Variants in SF3A2 observed in about 807,000 individuals in gnomAD.
SF3A2 encodes the protein SAP 62.
Under a neutral mutation model 31.1 loss-of-function variants are expected in SF3A2, and 5 were observed. The observed-to-expected ratio is 0.16, with a 90% CI of 0.08 to 0.34. The LOEUF is 0.34. Ranked by LOEUF, SF3A2 falls within the 10% of genes least tolerant of loss-of-function variation. The pLI is 1.00. For missense variants in SF3A2, 577 were observed against 643.9 expected (o/e 0.90, Z 1.13); for synonymous variants, 365 against 263.7 (o/e 1.38, Z -3.72).
chr19:2,245,570 A>G lies in SF3A2; in HGVS notation c.355+15A>G. On this transcript the variant is annotated intron_variant, in intron 5 of 8. Coordinates refer to ENST00000221494, the MANE Select transcript of SF3A2 (RefSeq NM_007165.5). The surrounding 1 kb of genome is among the most constrained non-coding windows in gnomAD (Gnocchi z 4.2). The stretch of plus-strand genomic sequence containing the variant: ...GGGCTACAAAGGTGAGTCTGCCCGC[A>G]GCGGGGCCGGCCACAGCCGCTGCCG... The G allele has an allele frequency of 6.5e-7, 1 of 1,531,770 alleles. No homozygotes were observed. Among genetic ancestry groups the G allele is most frequent in the Non-Finnish European group, 8.9e-7 (1 of 1,129,816 alleles). The allele number at this position is 1,531,770 out of a possible 1,614,324, so 94.9% of individuals were successfully genotyped here. A position where few individuals can be genotyped will look rare whatever the true frequency, so the allele number is the denominator to read the frequency against.
intron 7 of SF3A2, 108 bp downstream of exon 7, chr19:2,247,130 C>G (rs552551374): frequency 3.4e-6 from 5 of 1,455,594 alleles, no homozygotes; most frequent in South Asian, 2.6e-5. Context: ...TCCCCTGGGC[C>G]CCCCCCAAGT....
At chr19:2,244,038 G>A (rs2024911629) in intron 2 of SF3A2, among the ~76,000 whole-genome samples, 1 of 152,248 alleles carries the variant, frequency 6.6e-6, no homozygotes, top group Non-Finnish European at 1.5e-5. Flanking sequence ...AGCCGCAGAT[G>A]GTGGAGTTAG....
Position 2,246,754 on chromosome 19 carries a change from G to A in SF3A2, c.357G>A (p.Val119=), listed in dbSNP as rs1032572072. The change falls in exon 6 of 9, where the codon GTG becomes GTA. Residue 119 remains valine (V), a splice_region_variant and synonymous_variant. Transcript: ENST00000221494. The surrounding 1 kb of genome is among the most constrained non-coding windows in gnomAD (Gnocchi z 5.5). The part of the protein sequence containing the change: ...FVKIGRPGYK[V]TKQRDSEMGQ... ...ACCTGAGAGCTTTCTGTGTTGCAGT[G>A]ACCAAGCAGAGAGACTCGGAGATGG... 3.7e-6 allele frequency: 6 copies of A among 1,613,868 alleles called. No individual in the cohort carries two copies. In the Admixed American group the frequency reaches 5.0e-5, roughly 13 times the overall value.
At position 2,245,622 on chromosome 19, in the gene SF3A2, A is replaced by G. The variant is rs2024925142; in HGVS notation, c.355+67A>G. 2.5e-6 allele frequency: 3 copies of G among 1,208,388 alleles called. No individual in the cohort carries two copies. Among genetic ancestry groups the G allele is most frequent in the Non-Finnish European group, 3.6e-6 (3 of 835,122 alleles). The allele number at this position is 1,208,388 out of a possible 1,614,324, so 74.9% of individuals were successfully genotyped here. A position where few individuals can be genotyped will look rare whatever the true frequency, so the allele number is the denominator to read the frequency against. On this transcript the variant is annotated intron_variant, in intron 5 of 8. Transcript: ENST00000221494. The surrounding 1 kb of genome is among the most constrained non-coding windows in gnomAD (Gnocchi z 4.2). The stretch of plus-strand genomic sequence containing the variant: ...GACATAAGTGTGTTCTTTAGTCTCC[A>G]GTGCGGGAGGTGCAGCCCTGATAGC...
rs1230077312 is a variant in SF3A2 at position 2,248,254 on chromosome 19, C to G, written c.1103C>G (p.Pro368Arg). Residue 368 changes from proline (P) to arginine (R), a missense_variant, in exon 9 of 9, where the codon CCA becomes CGA. By Grantham distance (103) the Pro-to-Arg change is moderately radical. Around this residue, in one of 6 missense-constraint regions of SF3A2, gnomAD observed 462 missense variants for 339.1 expected, o/e 1.36. Coordinates refer to ENST00000221494, the MANE Select transcript of SF3A2 (RefSeq NM_007165.5). Reference sequence around the variant, plus strand: ...CCAGCCCCAGGGGTCCATCCTCCCCCATCAGCGGGGGTTCACCCCCAGGCC... The same window carrying G: ...CCAGCCCCAGGGGTCCATCCTCCCCGATCAGCGGGGGTTCACCCCCAGGCC... ...HPPAPGVHPP[P>R]SAGVHPQAPG... 4 of 1,420,380 alleles carry G rather than the reference C, an allele frequency of 2.8e-6. No homozygotes were observed. In the Admixed American group the frequency reaches 1.1e-4, roughly 41 times the overall value. The allele number at this position is 1,420,380 out of a possible 1,614,324, so 88.0% of individuals were successfully genotyped here.
At position 2,246,500 on chromosome 19, in the gene SF3A2, G is replaced by T. The variant is rs2024934337; in HGVS notation, c.356-253G>T. Among the ~76,000 whole-genome samples, 1 of 152,120 alleles carries T rather than the reference G, an allele frequency of 6.6e-6. No homozygotes were observed. The highest frequency in any genetic ancestry group is 2.1e-4 in the South Asian group (1 of 4,828). Reference sequence around the variant, plus strand: ...CCCAGCACCCCTGGTGAAGGGCTCTGGGGATTGGGACAAAGGAGCACCATC... The same window carrying T: ...CCCAGCACCCCTGGTGAAGGGCTCTTGGGATTGGGACAAAGGAGCACCATC... On this transcript the variant is annotated intron_variant, in intron 5 of 8. Coordinates refer to ENST00000221494, the MANE Select transcript of SF3A2 (RefSeq NM_007165.5). This position sits in a 1 kb window ranked among gnomAD's most constrained non-coding sequence, Gnocchi z 5.5.
rs746761801 is a variant in SF3A2 at position 2,247,916 on chromosome 19, G to C, written c.765G>C (p.Pro255=). The change falls in exon 9 of 9, where the codon CCG becomes CCC. Residue 255 remains proline, a synonymous_variant. Transcript: ENST00000221494. ...TGCCTGAGTCTTTGCCACCGCCCCCGCCAGGAGGCCTGCCTCTGCCACCCA... is the reference window on the plus strand; with the variant it reads ...TGCCTGAGTCTTTGCCACCGCCCCCCCCAGGAGGCCTGCCTCTGCCACCCA... The part of the protein sequence containing the change: ...PPLPESLPPP[P]PGGLPLPPMP... 38 of 1,542,166 alleles carry C rather than the reference G, an allele frequency of 2.5e-5. No individual in the cohort carries two copies. Among genetic ancestry groups the C allele is most frequent in the Non-Finnish European group, 3.1e-5 (35 of 1,146,626 alleles).
intron 7 of SF3A2, 71 bp from the exon 8 acceptor site, chr19:2,247,523 C>G (rs1453192464): frequency 6.5e-7 from 1 of 1,529,092 alleles, no homozygotes; most frequent in Non-Finnish European, 9.0e-7. Context: ...GCTAGTGCCT[C>G]GGGCTCCCTG....
At chr19:2,243,300 C>A in intron 1 of SF3A2, 82 bp from the exon 2 acceptor site, 1 of 1,228,256 alleles carries the variant, frequency 8.1e-7, no homozygotes, top group Non-Finnish European at 1.1e-6. Flanking sequence ...CTCGAGGGCT[C>A]CAGCCCAGCC....
chr19:2,243,659 C>G (rs1030646186), intron 2 of SF3A2, 115 bp downstream of exon 2: 8 of 1,203,934 alleles, frequency 6.6e-6, no homozygotes, highest in Non-Finnish European at 5.5e-6. Flanking sequence ...GATGCAGCCC[C>G]GTGTCCAGAC....
rs569975681 is a variant in SF3A2, at chr19:2,246,053, C to T, written c.355+498C>T. ...CTTGTGTCCATAGGGTTCAGGAAGG[C>T]GGGCACGCTACCCAGCAAGTGTTCT... On this transcript the variant is annotated intron_variant, in intron 5 of 8. Transcript: ENST00000221494. This position sits in a 1 kb window ranked among gnomAD's most constrained non-coding sequence, Gnocchi z 5.5. 9.8e-5 allele frequency among the ~76,000 whole-genome samples: 15 copies of T among 152,304 alleles called. No homozygotes were observed. The South Asian group carries it at 1.5e-3, about 15-fold the overall frequency.
chr19:2,242,287 G>T (rs548896595), intron 1 of SF3A2, among the ~76,000 whole-genome samples: 1 of 152,250 alleles, frequency 6.6e-6, no homozygotes, highest in Non-Finnish European at 1.5e-5. Flanking sequence ...TCAGCTTCTG[G>T]TTCTGGGGTC....
chr19:2,244,439 G>T, intron 2 of SF3A2, 105 bp from the exon 3 acceptor site: 1 of 836,412 alleles, frequency 1.2e-6, no homozygotes. Flanking sequence ...ACAGAAGGGG[G>T]GTTCTGCCTC....
rs1020457659 is a variant in SF3A2, at chr19:2,245,887, C to T, written c.355+332C>T. ...TGTGGTGAGCCCTGGCACATCCCTC[C>T]GGTTAACCTTGAAGCCTTTGAAGGA... On this transcript the variant is annotated intron_variant, in intron 5 of 8. Coordinates refer to ENST00000221494, the MANE Select transcript of SF3A2 (RefSeq NM_007165.5). The surrounding 1 kb of genome is among the most constrained non-coding windows in gnomAD (Gnocchi z 4.2). 8 of 340,992 alleles carry T rather than the reference C, an allele frequency of 2.3e-5. No individual in the cohort carries two copies. Among genetic ancestry groups the T allele is most frequent in the South Asian group, 1.4e-4 (4 of 28,066 alleles). The allele number at this position is 340,992 out of a possible 1,614,324, so 21.1% of individuals were successfully genotyped here.
In SF3A2 at chr19:2,246,831, C is replaced by T. The variant is rs766919566; in HGVS notation, c.405+29C>T. The T allele has an allele frequency of 2.5e-5, 40 of 1,613,376 alleles. No individual in the cohort carries two copies. Among genetic ancestry groups the T allele is most frequent in the East Asian group, 1.1e-4 (5 of 44,866 alleles). ...AGATCAGGGACTTGGGCGTGGGGGG[C>T]GGCCAAAGGCACCCAAGAGGCGGCT... is the stretch of plus-strand genomic sequence containing the variant. On this transcript the variant is annotated intron_variant, in intron 6 of 8. Coordinates refer to ENST00000221494, the MANE Select transcript of SF3A2 (RefSeq NM_007165.5). This position sits in a 1 kb window ranked among gnomAD's most constrained non-coding sequence, Gnocchi z 5.5.
intron 7 of SF3A2, 88 bp downstream of exon 7, chr19:2,247,110 G>T (rs10417668): frequency 1.2e-5 from 4 of 322,962 alleles, no homozygotes; most frequent in Admixed American, 1.9e-4. Flanking sequence ...CCCTCCCATC[G>T]GGCTTGGGGT....
chr19:2,240,327 GTC>G (rs1292798740), intron 1 of SF3A2, among the ~76,000 whole-genome samples: 1 of 152,212 alleles, frequency 6.6e-6, no homozygotes, highest in African/African-American at 2.4e-5. Context: ...TGCTGGGCCT[GTC>G]TCTCTAACTC....
At chr19:2,241,693 G>T (rs2145009125) in intron 1 of SF3A2, among the ~76,000 whole-genome samples, 1 of 152,332 alleles carries the variant, frequency 6.6e-6, no homozygotes, top group East Asian at 1.9e-4. Context: ...AGAAGCCCGA[G>T]GCGGGGAGGG....
At chr19:2,244,919 G>A (rs1423651788) in intron 4 of SF3A2, 140 bp downstream of exon 4, 2 of 739,148 alleles carry the variant, frequency 2.7e-6, no homozygotes, top group African/African-American at 1.7e-5. Flanking sequence ...ACGGTTCCTG[G>A]GGAGCATTAG....
Sources: allele counts gnomAD v4.1 joint callset (sites outside exome capture counted in the v4.1 genomes callset), GRCh38; gene constraint gnomAD v4.1.1; regional missense constraint gnomAD v4.1.1; non-coding constraint Gnocchi (gnomAD v3.1); transcripts MANE v1.5; gene names NCBI Gene and HGNC (gene_info 2026-07-23, HGNC 2026-07-21).